The following CDH10 variants were observed in gnomAD, a reference collection of about 807,000 sequenced individuals.
CDH10 encodes cadherin 10.
Under a neutral mutation model 73.1 loss-of-function variants are expected in CDH10, and 30 were observed. That is an observed-to-expected ratio of 0.41 (90% confidence interval 0.31 to 0.56). The LOEUF is 0.56. Among genes scored for constraint, CDH10 ranks in the 20% least tolerant of loss-of-function variants. CDH10 has a pLI of 0.27. For synonymous variants in CDH10, 345 were observed against 348.2 expected, an observed-to-expected ratio of 0.99 and a Z score of 0.10; for missense variants, 815 against 973.7, an observed-to-expected ratio of 0.84 and a Z score of 2.17.
chr5:24,584,847 CT>C (rs77069649), intron 2 of CDH10, among the ~76,000 whole-genome samples: 1,596 of 147,990 alleles, frequency 0.011, 19 homozygotes, highest in African/African-American at 0.036. Flanking sequence ...TCAAATATAG[CT>C]TTTTTTTTTC....
At chr5:24,503,710 T>G (rs533586889) in intron 8 of CDH10, among the ~76,000 whole-genome samples, 3 of 152,318 alleles carry the variant, frequency 2.0e-5, no homozygotes, top group African/African-American at 7.2e-5. Context: ...ACCTCTGACA[T>G]GATAACTTTG....
At chr5:24,639,051 T>C (rs976267074) in intron 1 of CDH10, among the ~76,000 whole-genome samples, 12 of 151,646 alleles carry the variant, frequency 7.9e-5, no homozygotes, top group East Asian at 5.8e-4. Context: ...ACTTTAGAGG[T>C]TGAAGATTTA....
chr5:24,576,121 C>T (rs1279057298), intron 2 of CDH10, among the ~76,000 whole-genome samples: 1 of 151,958 alleles, frequency 6.6e-6, no homozygotes, highest in Non-Finnish European at 1.5e-5. Context: ...TTATTTTTCT[C>T]ATGTGGAGAG....
intron 1 of CDH10, among the ~76,000 whole-genome samples, chr5:24,616,769 G>A (rs561725824): frequency 6.6e-6 from 1 of 152,226 alleles, no homozygotes; most frequent in African/African-American, 2.4e-5. Flanking sequence ...TAAGGCCAAA[G>A]TCTTGTGTTT....
At chr5:24,603,099 G>A (rs569133212) in intron 1 of CDH10, among the ~76,000 whole-genome samples, 12 of 152,234 alleles carry the variant, frequency 7.9e-5, no homozygotes, top group Admixed American at 6.5e-4. Context: ...CAGCCACTAG[G>A]GTAGAAGTGA....
At chr5:24,609,382 C>G (rs1477192874) in intron 1 of CDH10, among the ~76,000 whole-genome samples, 2 of 152,044 alleles carry the variant, frequency 1.3e-5, no homozygotes, top group African/African-American at 4.8e-5. Flanking sequence ...ATGAAACTGT[C>G]TAGGTAAATG....
rs1714051286 is a variant in CDH10 at position 24,491,942 on chromosome 5, A to C, written c.1625-115T>G. 7.8e-6 allele frequency: 5 copies of C among 637,994 alleles called. No individual in the cohort carries two copies. The Admixed American group carries it at 1.6e-4, about 20-fold the overall frequency. The allele number at this position is 637,994 out of a possible 1,614,324, so 39.5% of individuals were successfully genotyped here. A position where few individuals can be genotyped will look rare whatever the true frequency, so the allele number is the denominator to read the frequency against. ...TATTTATGTAAAATATAAAATTGAT[A>C]TACATTTTCCTAAAAAACAAGTACA... On this transcript the variant is annotated intron_variant, in intron 10 of 11. Coordinates refer to ENST00000264463, the MANE Select transcript of CDH10 (RefSeq NM_006727.5).
chr5:24,543,718 C>T (rs972409410), intron 2 of CDH10, among the ~76,000 whole-genome samples: 1 of 151,994 alleles, frequency 6.6e-6, no homozygotes, highest in Non-Finnish European at 1.5e-5. Flanking sequence ...CAAAAAAACA[C>T]AGGTGAAAAA....
rs569546286 is a variant in CDH10 at position 24,520,422 on chromosome 5, G to A, written c.815-8908C>T. On this transcript the variant is annotated intron_variant, in intron 5 of 11. Transcript: ENST00000264463. Reference sequence around the variant, plus strand: ...TATCTTTATAAACCTCAAACAAGAAGAGCTCAATATATTTTTTAAGAATAC... The same window carrying A: ...TATCTTTATAAACCTCAAACAAGAAAAGCTCAATATATTTTTTAAGAATAC... 4.6e-5 allele frequency among the ~76,000 whole-genome samples: 7 copies of A among 152,150 alleles called. No individual in the cohort carries two copies. In the East Asian group the frequency reaches 5.8e-4, roughly 13 times the overall value.
At chr5:24,599,524 AACTT>A (rs1427706782) in intron 1 of CDH10, among the ~76,000 whole-genome samples, 1 of 152,198 alleles carries the variant, frequency 6.6e-6, no homozygotes, top group Non-Finnish European at 1.5e-5. Context: ...TGTGTAAACT[AACTT>A]ACTATGCACT....
intron 1 of CDH10, among the ~76,000 whole-genome samples, chr5:24,594,853 T>C (rs1389545165): frequency 2.0e-5 from 3 of 151,994 alleles, no homozygotes; most frequent in African/African-American, 4.8e-5. Flanking sequence ...TGTAGGAAGA[T>C]AATTTTACTC....
chr5:24,601,828 TAA>T (rs1186197684), intron 1 of CDH10, among the ~76,000 whole-genome samples: 1 of 152,144 alleles, frequency 6.6e-6, no homozygotes, highest in Non-Finnish European at 1.5e-5. Flanking sequence ...AAATTACCTT[TAA>T]AAGTGTGGAC....
intron 1 of CDH10, among the ~76,000 whole-genome samples, chr5:24,631,544 G>C (rs1254890362): frequency 1.3e-5 from 2 of 151,952 alleles, no homozygotes; most frequent in Admixed American, 6.6e-5. Context: ...TGGCTCATCA[G>C]CTTCATCTTT....
chr5:24,578,980 T>C (rs1286750171), intron 2 of CDH10, among the ~76,000 whole-genome samples: 4 of 151,988 alleles, frequency 2.6e-5, no homozygotes, highest in African/African-American at 7.2e-5. Flanking sequence ...TTTTAAAAAG[T>C]TATAATTACC....
chr5:24,543,947 T>C (rs1744244643), intron 2 of CDH10, among the ~76,000 whole-genome samples: 1 of 152,292 alleles, frequency 6.6e-6, no homozygotes, highest in African/African-American at 2.4e-5. Flanking sequence ...GTTTCAATAT[T>C]AATGTACATA....
chr5:24,619,351 G>A (rs1222078740), intron 1 of CDH10, among the ~76,000 whole-genome samples: 2 of 151,948 alleles, frequency 1.3e-5, no homozygotes, highest in East Asian at 1.9e-4. Context: ...CCACCACCAC[G>A]CCCAGCTAAT....
At chr5:24,505,647 CTA>C (rs1742672584) in intron 7 of CDH10, among the ~76,000 whole-genome samples, 1 of 152,122 alleles carries the variant, frequency 6.6e-6, no homozygotes, top group African/African-American at 2.4e-5. Context: ...TTCCCAGAAG[CTA>C]TGTGTTGTTC....
intron 2 of CDH10, among the ~76,000 whole-genome samples, chr5:24,586,769 C>T (rs887569401): frequency 1.3e-4 from 20 of 149,828 alleles, no homozygotes; most frequent in Non-Finnish European, 2.4e-4. Flanking sequence ...ATTAAAATTA[C>T]CAGGAGTCAT....
intron 2 of CDH10, among the ~76,000 whole-genome samples, chr5:24,561,187 C>T (rs1462225665): frequency 2.6e-5 from 4 of 152,082 alleles, no homozygotes; most frequent in Admixed American, 6.6e-5. Flanking sequence ...AAACAAAGTG[C>T]TAATATTATG....
Sources: gnomAD v4.1 joint callset for allele counts (sites outside exome capture counted in the v4.1 genomes callset) on GRCh38, gnomAD v4.1.1 for gene constraint, MANE v1.5 for transcripts, NCBI Gene and HGNC (gene_info 2026-07-23, HGNC 2026-07-21) for gene names.